Variants in GPR27 observed in about 807,000 individuals in gnomAD.
GPR27 encodes probable G protein-coupled receptor 27.
A neutral mutation model predicts 2.4 loss-of-function variants in GPR27; 3 were observed. The observed-to-expected ratio is 1.23, with a 90% CI of 0.56 to 3.18. The LOEUF is 3.18. GPR27 is among the 30% of genes most tolerant of loss of function. The probability of loss-of-function intolerance (pLI) is 0.03; values close to 1 mark genes in which losing one functional copy is unlikely to be tolerated. For synonymous variants in GPR27, 367 were observed against 296.4 expected, an observed-to-expected ratio of 1.24 and a Z score of -2.45; for missense variants, 526 against 566.1, an observed-to-expected ratio of 0.93 and a Z score of 0.72.
At position 71,756,039 on chromosome 3, in the gene GPR27, T is replaced by G. The variant is rs1559620196; in HGVS notation, c.*862T>G. On this transcript the variant is annotated 3_prime_UTR_variant, in exon 1 of 1. Coordinates refer to ENST00000304411, the MANE Select transcript of GPR27 (RefSeq NM_018971.3). ...TGTGGTTCGAGGATTGGGAGGGCTC[T>G]GAGAAGCAGAGTACTACATCAAAAT... 2 of 152,248 alleles carry G rather than the reference T, an allele frequency of 1.3e-5. No homozygotes were observed. Among genetic ancestry groups the G allele is most frequent in the African/African-American group, 2.4e-5 (1 of 41,462 alleles). 9.4% of individuals were successfully genotyped at this position (152,248 alleles called of 1,614,324 possible).
In GPR27 at chr3:71,755,068, T is replaced by C; in HGVS notation, c.1019T>C (p.Leu340Pro). The C allele has an allele frequency of 6.2e-7, 1 of 1,611,746 alleles. No homozygotes were observed. The highest frequency in any genetic ancestry group is 8.5e-7 in the Non-Finnish European group (1 of 1,179,968). Reference protein sequence around the residue: ...QAGINPVVCFLFNRELRDCFR... With the variant: ...QAGINPVVCFPFNRELRDCFR... ...GGCATCAACCCCGTCGTGTGCTTCC[T>C]CTTCAACAGGGAGCTGAGGGACTGC... The change falls in exon 1 of 1, where the codon CTC becomes CCC. Residue 340 changes from leucine to proline, a missense_variant. Transcript: ENST00000304411.
Position 71,754,055 on chromosome 3 carries a change from G to T in GPR27, c.6G>T (p.Ala2=). ...CACGGCCTGGTGAGGCCGCGATGGCGAACGCGAGCGAGCCGGGTGGCAGCG... is the reference window on the plus strand; with the variant it reads ...CACGGCCTGGTGAGGCCGCGATGGCTAACGCGAGCGAGCCGGGTGGCAGCG... M[A]NASEPGGSGG... is the part of the protein sequence containing the mutation. Residue 2 remains alanine (A), a synonymous_variant, in exon 1 of 1, where the codon GCG becomes GCT. Coordinates refer to ENST00000304411, the MANE Select transcript of GPR27 (RefSeq NM_018971.3). The surrounding 1 kb of genome is among the most constrained non-coding windows in gnomAD (Gnocchi z 5.8). 2.4e-6 allele frequency: 3 copies of T among 1,268,202 alleles called. No homozygotes were observed. Among genetic ancestry groups the T allele is most frequent in the South Asian group, 1.7e-5 (1 of 58,674 alleles). The allele number at this position is 1,268,202 out of a possible 1,614,324, so 78.6% of individuals were successfully genotyped here. A position where few individuals can be genotyped will look rare whatever the true frequency, so the allele number is the denominator to read the frequency against.
Position 71,754,293 on chromosome 3 carries a change from G to A in GPR27, c.244G>A (p.Ala82Thr), listed in dbSNP as rs2049976242. 3.3e-5 allele frequency: 38 copies of A among 1,145,738 alleles called. No individual in the cohort carries two copies. The highest frequency in any genetic ancestry group is 3.7e-5 in the Non-Finnish European group (35 of 934,838). The allele number at this position is 1,145,738 out of a possible 1,614,324, so 71.0% of individuals were successfully genotyped here. The change falls in exon 1 of 1, where the codon GCG becomes ACG. Residue 82 changes from alanine to threonine, a missense_variant. Ala to Thr is a moderately conservative substitution (Grantham distance 58). Around this residue, in one of 3 missense-constraint regions of GPR27, gnomAD observed 312 missense variants for 318.4 expected, o/e 0.98. Transcript: ENST00000304411. The surrounding 1 kb of genome is among the most constrained non-coding windows in gnomAD (Gnocchi z 5.8). ...GGCCGTCATGCTGGCGGCGCGGCGT[G>A]CGGCGGCCGCGGCGGGGGCGCCGCC... ...LPAVMLAARR[A>T]AAAAGAPPGA...
chr3:71,754,146 C>A lies in GPR27; in HGVS notation c.97C>A (p.Leu33Ile), dbSNP rs527419351. Residue 33 changes from leucine to isoleucine, a missense_variant, in exon 1 of 1, where the codon CTA (leucine) becomes ATA (isoleucine). By Grantham distance (5) the Leu-to-Ile change is conservative. Transcript: ENST00000304411. This position sits in a 1 kb window ranked among gnomAD's most constrained non-coding sequence, Gnocchi z 5.8. ...ATLSLLLCVSLAGNVLFALLI... is the reference protein window; with the variant it reads ...ATLSLLLCVSIAGNVLFALLI... Reference sequence around the variant, plus strand: ...GCTCAGCCTGCTGCTGTGCGTGAGCCTAGCGGGCAACGTGCTGTTCGCGCT... The same window carrying A: ...GCTCAGCCTGCTGCTGTGCGTGAGCATAGCGGGCAACGTGCTGTTCGCGCT... The A allele has an allele frequency of 2.1e-6, 3 of 1,459,578 alleles. No homozygotes were observed. The highest frequency in any genetic ancestry group is 1.2e-5 in the South Asian group (1 of 83,236). 90.4% of individuals were successfully genotyped at this position (1,459,578 alleles called of 1,614,324 possible).
chr3:71,754,462 C>T lies in GPR27; in HGVS notation c.413C>T (p.Pro138Leu). 1 of 1,333,712 alleles carries T rather than the reference C, an allele frequency of 7.5e-7. No homozygotes were observed. Among genetic ancestry groups the T allele is most frequent in the Non-Finnish European group, 9.6e-7 (1 of 1,036,308 alleles). The allele number at this position is 1,333,712 out of a possible 1,614,324, so 82.6% of individuals were successfully genotyped here. Reference protein sequence around the residue: ...RFYAERLAGWPCAAMLVCAAW... With the variant: ...RFYAERLAGWLCAAMLVCAAW... ...TATGCAGAGCGCCTGGCCGGCTGGC[C>T]GTGCGCCGCCATGCTGGTGTGCGCC... Residue 138 changes from proline (P) to leucine (L), a missense_variant, in exon 1 of 1, where the codon CCG (proline) becomes CTG (leucine). This residue lies in a region of GPR27 where 312 missense variants were observed against 318.4 expected (regional missense o/e 0.98). Coordinates refer to ENST00000304411, the MANE Select transcript of GPR27 (RefSeq NM_018971.3). This position sits in a 1 kb window ranked among gnomAD's most constrained non-coding sequence, Gnocchi z 5.8.
chr3:71,754,174 TG>T lies in GPR27; in HGVS notation c.126del (p.Ile43SerfsTer278). Reference protein sequence around the residue: ...SLAGNVLFALLIVRERSLHRA... With the variant: ...SLAGNVLFALXIVRERSLHRA... ...GCGGGCAACGTGCTGTTCGCGCTGC[TG>T]ATCGTGCGGGAGCGCAGCCTGCACC... is the stretch of plus-strand genomic sequence containing the variant. On this transcript the variant is annotated frameshift_variant, in exon 1 of 1. Transcript: ENST00000304411. LOFTEE classifies it low-confidence loss of function (END_TRUNC). The surrounding 1 kb of genome is among the most constrained non-coding windows in gnomAD (Gnocchi z 5.8). 6.9e-7 allele frequency: 1 copy of T among 1,450,258 alleles called. No homozygotes were observed. The highest frequency in any genetic ancestry group is 9.2e-7 in the Non-Finnish European group (1 of 1,091,582). 89.8% of individuals were successfully genotyped at this position (1,450,258 alleles called of 1,614,324 possible).
At position 71,754,828 on chromosome 3, in the gene GPR27, C is replaced by T; in HGVS notation, c.779C>T (p.Pro260Leu). Residue 260 changes from proline to leucine, a missense_variant, in exon 1 of 1, where the codon CCC becomes CTC. By Grantham distance (98) the Pro-to-Leu change is moderately conservative. This residue lies in a region of GPR27 where 98 missense variants were observed against 146.7 expected (regional missense o/e 0.67). Coordinates refer to ENST00000304411, the MANE Select transcript of GPR27 (RefSeq NM_018971.3). The surrounding 1 kb of genome is among the most constrained non-coding windows in gnomAD (Gnocchi z 5.8). ...CCGCCCGCGCTTGTGGGCATCCGGC[C>T]CGCAGGGCCGGGCCGCGGCGCGCGC... ...PTPPALVGIR[P>L]AGPGRGARRL... The T allele has an allele frequency of 6.4e-7, 1 of 1,559,424 alleles. No individual in the cohort carries two copies. The highest frequency in any genetic ancestry group is 8.7e-7 in the Non-Finnish European group (1 of 1,153,632).
At position 71,754,625 on chromosome 3, in the gene GPR27, G is replaced by C. The variant is rs371933600; in HGVS notation, c.576G>C (p.Val192=). 5 of 1,466,638 alleles carry C rather than the reference G, an allele frequency of 3.4e-6. No individual in the cohort carries two copies. The South Asian group carries it at 6.3e-5, about 19-fold the overall frequency. The allele number at this position is 1,466,638 out of a possible 1,614,324, so 90.9% of individuals were successfully genotyped here. Reference sequence around the variant, plus strand: ...TGGGCTTCCTGCTGCTGCTGGCCGTGGTGGTGGGCGCCACGCACCTCGTCT... The same window carrying C: ...TGGGCTTCCTGCTGCTGCTGGCCGTCGTGGTGGGCGCCACGCACCTCGTCT... The part of the protein sequence containing the change: ...GALGFLLLLA[V]VVGATHLVYL... Residue 192 remains valine, a synonymous_variant, in exon 1 of 1, where the codon GTG becomes GTC. Coordinates refer to ENST00000304411, the MANE Select transcript of GPR27 (RefSeq NM_018971.3). This position sits in a 1 kb window ranked among gnomAD's most constrained non-coding sequence, Gnocchi z 5.8.
At position 71,754,718 on chromosome 3, in the gene GPR27, C is replaced by T; in HGVS notation, c.669C>T (p.Val223=). ...GGCCCGCGCGCCTGGTGCCCGCCGT[C>T]AGCCACGACTGGACCTTCCACGGCC... ...KMRPARLVPA[V]SHDWTFHGPG... The change falls in exon 1 of 1, where the codon GTC becomes GTT. Residue 223 remains valine, a synonymous_variant. Transcript: ENST00000304411. The surrounding 1 kb of genome is among the most constrained non-coding windows in gnomAD (Gnocchi z 5.8). 6.7e-7 allele frequency: 1 copy of T among 1,481,996 alleles called. No individual in the cohort carries two copies. Among genetic ancestry groups the T allele is most frequent in the East Asian group, 3.0e-5 (1 of 33,050 alleles). 91.8% of individuals were successfully genotyped at this position (1,481,996 alleles called of 1,614,324 possible).
In GPR27 at chr3:71,754,353, G is replaced by C; in HGVS notation, c.304G>C (p.Ala102Pro). 1 of 1,313,750 alleles carries C rather than the reference G, an allele frequency of 7.6e-7. No individual in the cohort carries two copies. The allele number at this position is 1,313,750 out of a possible 1,614,324, so 81.4% of individuals were successfully genotyped here. A position where few individuals can be genotyped will look rare whatever the true frequency, so the allele number is the denominator to read the frequency against. Residue 102 changes from alanine to proline, a missense_variant, in exon 1 of 1, where the codon GCC becomes CCC. Physicochemically the swap from Ala to Pro is conservative, Grantham distance 27. Transcript: ENST00000304411. The surrounding 1 kb of genome is among the most constrained non-coding windows in gnomAD (Gnocchi z 5.8). The stretch of plus-strand genomic sequence containing the variant: ...GGGCTGCAAGCTGCTCGCCTTCCTG[G>C]CCGCGCTCTTCTGCTTCCACGCCGC... ...ALGCKLLAFL[A>P]ALFCFHAAFL... is the part of the protein sequence containing the mutation.
At position 71,754,608 on chromosome 3, in the gene GPR27, C is replaced by A; in HGVS notation, c.559C>A (p.Leu187Met). 6.9e-7 allele frequency: 1 copy of A among 1,440,822 alleles called. No homozygotes were observed. Among genetic ancestry groups the A allele is most frequent in the Non-Finnish European group, 9.1e-7 (1 of 1,098,474 alleles). The allele number at this position is 1,440,822 out of a possible 1,614,324, so 89.3% of individuals were successfully genotyped here. A position where few individuals can be genotyped will look rare whatever the true frequency, so the allele number is the denominator to read the frequency against. The change falls in exon 1 of 1, where the codon CTG becomes ATG. Residue 187 changes from leucine (L) to methionine (M), a missense_variant. This residue lies in a region of GPR27 where 312 missense variants were observed against 318.4 expected (regional missense o/e 0.98). Transcript: ENST00000304411. The surrounding 1 kb of genome is among the most constrained non-coding windows in gnomAD (Gnocchi z 5.8). Reference sequence around the variant, plus strand: ...CGGCGCCCCCGGCGCGCTGGGCTTCCTGCTGCTGCTGGCCGTGGTGGTGGG... The same window carrying A: ...CGGCGCCCCCGGCGCGCTGGGCTTCATGCTGCTGCTGGCCGTGGTGGTGGG... ...PDGAPGALGFLLLLAVVVGAT... is the reference protein window; with the variant it reads ...PDGAPGALGFMLLLAVVVGAT...
chr3:71,753,907 G>A lies in GPR27; in HGVS notation c.-143G>A. 2 of 958,928 alleles carry A rather than the reference G, an allele frequency of 2.1e-6. No homozygotes were observed. Among genetic ancestry groups the A allele is most frequent in the African/African-American group, 1.8e-5 (1 of 56,472 alleles). 59.4% of individuals were successfully genotyped at this position (958,928 alleles called of 1,614,324 possible). ...CGGCGGCTCGGGGAGCCCAGGAGGG[G>A]CCGGCCGGGAGCGGGCTGAGCCCCG... On this transcript the variant is annotated 5_prime_UTR_variant, in exon 1 of 1. Coordinates refer to ENST00000304411, the MANE Select transcript of GPR27 (RefSeq NM_018971.3).
rs1056915762 is a variant in GPR27 at position 71,753,891 on chromosome 3, G to T, written c.-159G>T. 6.7e-6 allele frequency among the ~76,000 whole-genome samples: 1 copy of T among 148,390 alleles called. No individual in the cohort carries two copies. Among genetic ancestry groups the T allele is most frequent in the African/African-American group, 2.4e-5 (1 of 41,024 alleles). On this transcript the variant is annotated 5_prime_UTR_variant, in exon 1 of 1. Coordinates refer to ENST00000304411, the MANE Select transcript of GPR27 (RefSeq NM_018971.3). Reference sequence around the variant, plus strand: ...GGCGGCGGCGGCACAGCGGCGGCTCGGGGAGCCCAGGAGGGGCCGGCCGGG... The same window carrying T: ...GGCGGCGGCGGCACAGCGGCGGCTCTGGGAGCCCAGGAGGGGCCGGCCGGG...
chr3:71,756,437 A>G lies in GPR27; in HGVS notation c.*1260A>G, dbSNP rs1408231463. The G allele has an allele frequency of 1.3e-5, 2 of 152,166 alleles. No homozygotes were observed. The highest frequency in any genetic ancestry group is 1.3e-4 in the Admixed American group (2 of 15,282). 9.4% of individuals were successfully genotyped at this position (152,166 alleles called of 1,614,324 possible). On this transcript the variant is annotated 3_prime_UTR_variant, in exon 1 of 1. Coordinates refer to ENST00000304411, the MANE Select transcript of GPR27 (RefSeq NM_018971.3). ...TTTTATTAATGTACCTTCCGTTTTG[A>G]GGATTTATATCTGTATTTCTCTTTG...
Position 71,754,533 on chromosome 3 carries a change from G to C in GPR27, c.484G>C (p.Gly162Arg), listed in dbSNP as rs1484034715. The C allele has an allele frequency of 1.9e-5, 26 of 1,343,010 alleles. No individual in the cohort carries two copies. Among genetic ancestry groups the C allele is most frequent in the Non-Finnish European group, 2.4e-5 (25 of 1,046,554 alleles). 83.2% of individuals were successfully genotyped at this position (1,343,010 alleles called of 1,614,324 possible). ...CGCGGCCTTCCCGCCAGTGCTGGAC[G>C]GCGGTGGCGACGACGAGGACGCGCC... ...LAAAFPPVLD[G>R]GGDDEDAPCA... Residue 162 changes from glycine to arginine, a missense_variant, in exon 1 of 1, where the codon GGC (glycine) becomes CGC (arginine). Around this residue, in one of 3 missense-constraint regions of GPR27, gnomAD observed 312 missense variants for 318.4 expected, o/e 0.98. Coordinates refer to ENST00000304411, the MANE Select transcript of GPR27 (RefSeq NM_018971.3). The surrounding 1 kb of genome is among the most constrained non-coding windows in gnomAD (Gnocchi z 5.8).
chr3:71,754,394 C>T lies in GPR27; in HGVS notation c.345C>T (p.Gly115=). ...FCFHAAFLLL[G]VGVTRYLAIA... ...TCCACGCCGCCTTCCTGCTGCTGGGCGTGGGCGTCACCCGCTACCTGGCCA... is the reference window on the plus strand; with the variant it reads ...TCCACGCCGCCTTCCTGCTGCTGGGTGTGGGCGTCACCCGCTACCTGGCCA... The change falls in exon 1 of 1, where the codon GGC becomes GGT. Residue 115 remains glycine (G), a synonymous_variant. Coordinates refer to ENST00000304411, the MANE Select transcript of GPR27 (RefSeq NM_018971.3). This position sits in a 1 kb window ranked among gnomAD's most constrained non-coding sequence, Gnocchi z 5.8. 2 of 1,347,044 alleles carry T rather than the reference C, an allele frequency of 1.5e-6. No individual in the cohort carries two copies. Among genetic ancestry groups the T allele is most frequent in the African/African-American group, 1.5e-5 (1 of 66,146 alleles). The allele number at this position is 1,347,044 out of a possible 1,614,324, so 83.4% of individuals were successfully genotyped here. A position where few individuals can be genotyped will look rare whatever the true frequency, so the allele number is the denominator to read the frequency against.
At position 71,754,923 on chromosome 3, in the gene GPR27, C is replaced by G. The variant is rs374163561; in HGVS notation, c.874C>G (p.Leu292Val). 9.9e-6 allele frequency: 16 copies of G among 1,613,466 alleles called. No individual in the cohort carries two copies. In the African/African-American group the frequency reaches 1.7e-4, roughly 18 times the overall value. Residue 292 changes from leucine to valine, a missense_variant, in exon 1 of 1, where the codon CTC (leucine) becomes GTC (valine). Leu to Val is a conservative substitution (Grantham distance 32). This residue lies in a region of GPR27 where 98 missense variants were observed against 146.7 expected (regional missense o/e 0.67). Coordinates refer to ENST00000304411, the MANE Select transcript of GPR27 (RefSeq NM_018971.3). The surrounding 1 kb of genome is among the most constrained non-coding windows in gnomAD (Gnocchi z 5.8). ...CAAGATGTTCTACGCCGTCACGCTG[C>G]TCTTCCTGCTCCTCTGGGGGCCCTA... The part of the protein sequence containing the change: ...LCKMFYAVTL[L>V]FLLLWGPYVV...
At position 71,754,247 on chromosome 3, in the gene GPR27, G is replaced by C; in HGVS notation, c.198G>C (p.Leu66=). The C allele has an allele frequency of 7.8e-7, 1 of 1,284,392 alleles. No individual in the cohort carries two copies. The highest frequency in any genetic ancestry group is 1.0e-6 in the Non-Finnish European group (1 of 998,902). The allele number at this position is 1,284,392 out of a possible 1,614,324, so 79.6% of individuals were successfully genotyped here. ...TCGACCTGTGCCTGGCCGACGGGCT[G>C]CGCGCGCTCGCCTGCCTCCCGGCCG... ...LLLDLCLADG[L]RALACLPAVM... is the part of the protein sequence containing the mutation. Residue 66 remains leucine (L), a synonymous_variant, in exon 1 of 1, where the codon CTG becomes CTC. Coordinates refer to ENST00000304411, the MANE Select transcript of GPR27 (RefSeq NM_018971.3). This position sits in a 1 kb window ranked among gnomAD's most constrained non-coding sequence, Gnocchi z 5.8.
At position 71,756,207 on chromosome 3, in the gene GPR27, A is replaced by C. The variant is rs1474907940; in HGVS notation, c.*1030A>C. The C allele has an allele frequency of 6.6e-6, 1 of 152,246 alleles. No homozygotes were observed. Among genetic ancestry groups the C allele is most frequent in the African/African-American group, 2.4e-5 (1 of 41,464 alleles). The allele number at this position is 152,246 out of a possible 1,614,324, so 9.4% of individuals were successfully genotyped here. On this transcript the variant is annotated 3_prime_UTR_variant, in exon 1 of 1. Transcript: ENST00000304411. Reference sequence around the variant, plus strand: ...GTTGTTTATGGTATAAATGAATGGAATATAATGATATCCTCCTTCTAGGAA... The same window carrying C: ...GTTGTTTATGGTATAAATGAATGGACTATAATGATATCCTCCTTCTAGGAA...
Sources: allele counts gnomAD v4.1 joint callset (sites outside exome capture counted in the v4.1 genomes callset), GRCh38; gene constraint gnomAD v4.1.1; regional missense constraint gnomAD v4.1.1; non-coding constraint Gnocchi (gnomAD v3.1); transcripts MANE v1.5; gene names NCBI Gene and HGNC (gene_info 2026-07-23, HGNC 2026-07-21).